DPH6: variants seen among roughly 807,000 people sequenced by gnomAD.
DPH6 encodes diphthine--ammonia ligase.
A neutral mutation model predicts 38.2 loss-of-function variants in DPH6; 33 were observed. The observed-to-expected ratio is 0.86, with a 90% CI of 0.65 to 1.15. DPH6 has a LOEUF of 1.15. DPH6 is among the 50% of genes most tolerant of loss of function. The pLI, the probability that DPH6 is intolerant of heterozygous loss-of-function variation, is 0.00. For synonymous variants in DPH6, 108 were observed against 103.0 expected, an observed-to-expected ratio of 1.05 and a Z score of -0.30; for missense variants, 325 against 320.0, an observed-to-expected ratio of 1.02 and a Z score of -0.12.
At chr15:35,437,683 G>A (rs1014716109) in intron 5 of DPH6, among the ~76,000 whole-genome samples, 1 of 152,194 alleles carries the variant, frequency 6.6e-6, no homozygotes, top group African/African-American at 2.4e-5. Flanking sequence ...TCAGAAAGAG[G>A]GGTACCTTAG....
intron 3 of DPH6, among the ~76,000 whole-genome samples, chr15:35,473,305 T>A (rs1047143108): frequency 6.6e-6 from 1 of 152,160 alleles, no homozygotes; most frequent in African/African-American, 2.4e-5. Context: ...GCAAGTACTG[T>A]TATTTGCATT....
intron 5 of DPH6, among the ~76,000 whole-genome samples, chr15:35,448,922 T>A (rs545553149): frequency 1.3e-5 from 2 of 150,128 alleles, no homozygotes; most frequent in African/African-American, 4.9e-5. Context: ...GACCATTTCA[T>A]AGAAAAATGG....
the DPH6 span, among the ~76,000 whole-genome samples, chr15:35,157,611 A>G: frequency 6.6e-6 from 1 of 152,136 alleles, no homozygotes; most frequent in African/African-American, 2.4e-5. Flanking sequence ...AATCCTGCCC[A>G]CATGCCTGGT....
rs565018219 is a variant in DPH6 at position 35,396,851 on chromosome 15, G to A, written c.567+13984C>T. ...TTTTTTCCATAAAGTCACTCTGCAGGGAACAAGTCTTAAAATTCTGTCTTT... is the reference window on the plus strand; with the variant it reads ...TTTTTTCCATAAAGTCACTCTGCAGAGAACAAGTCTTAAAATTCTGTCTTT... On this transcript the variant is annotated intron_variant, in intron 6 of 8. Coordinates refer to ENST00000256538, the MANE Select transcript of DPH6 (RefSeq NM_080650.4). Among the ~76,000 whole-genome samples, 7 of 152,146 alleles carry A rather than the reference G, an allele frequency of 4.6e-5. No homozygotes were observed. The East Asian group carries it at 1.4e-3, about 29-fold the overall frequency.
intron 7 of DPH6, among the ~76,000 whole-genome samples, chr15:35,380,457 A>G (rs1310628651): frequency 6.6e-6 from 1 of 152,236 alleles, no homozygotes; most frequent in Non-Finnish European, 1.5e-5. Context: ...CATGTTGTCC[A>G]TAAAGACTTC....
intron 3 of DPH6, among the ~76,000 whole-genome samples, chr15:35,486,648 TG>T (rs1309838082): frequency 1.3e-5 from 2 of 152,132 alleles, no homozygotes; most frequent in Non-Finnish European, 2.9e-5. Context: ...AGATGAGATT[TG>T]GGTGGGGACA....
the DPH6 span, among the ~76,000 whole-genome samples, chr15:35,187,222 A>T: frequency 6.6e-6 from 1 of 152,228 alleles, no homozygotes; most frequent in Non-Finnish European, 1.5e-5. Flanking sequence ...TCATCATGAC[A>T]ACTGACAAGT....
At chr15:35,413,099 ATC>A (rs992667254) in intron 5 of DPH6, among the ~76,000 whole-genome samples, 1 of 151,566 alleles carries the variant, frequency 6.6e-6, no homozygotes, top group Non-Finnish European at 1.5e-5. Flanking sequence ...TAAATGGAAA[ATC>A]TCTGTACATT....
At chr15:35,145,098 T>G in the DPH6 span, among the ~76,000 whole-genome samples, 1 of 152,198 alleles carries the variant, frequency 6.6e-6, no homozygotes, top group African/African-American at 2.4e-5. Flanking sequence ...TCTAGATTAT[T>G]GATTAAAATA....
chr15:35,485,031 C>T (rs749738317), intron 3 of DPH6, among the ~76,000 whole-genome samples: 4 of 152,120 alleles, frequency 2.6e-5, no homozygotes, highest in Non-Finnish European at 4.4e-5. Flanking sequence ...TGACTACTTA[C>T]CACATCCCAG....
chr15:35,425,284 C>T (rs926410573), intron 5 of DPH6, among the ~76,000 whole-genome samples: 1 of 151,456 alleles, frequency 6.6e-6, no homozygotes, highest in African/African-American at 2.4e-5. Flanking sequence ...ATTAAATAAT[C>T]TGACTACTAC....
rs146407000 is a variant in DPH6 at position 35,243,829 on chromosome 15, C to T, written n.201-23247G>A. Among the ~76,000 whole-genome samples the T allele has an allele frequency of 3.5e-3, 537 of 152,256 alleles. 4 individuals carry two copies. The highest frequency in any genetic ancestry group is 0.012 in the African/African-American group (500 of 41,540). The stretch of plus-strand genomic sequence containing the variant: ...GTTTGGTGGTCTCTTCCCACGGACG[C>T]GCATGAAAAATTCCTTTCTATTTTG... On this transcript the variant is annotated intron_variant and non_coding_transcript_variant, in intron 3 of 3. Transcript: ENST00000560386.
At chr15:35,161,067 C>T in the DPH6 span, among the ~76,000 whole-genome samples, 4 of 151,816 alleles carry the variant, frequency 2.6e-5, no homozygotes, top group Non-Finnish European at 5.9e-5. Flanking sequence ...GTGCAGCACA[C>T]CAACATGGCA....
intron 3 of DPH6, among the ~76,000 whole-genome samples, chr15:35,480,829 G>A (rs1248205046): frequency 6.6e-6 from 1 of 151,974 alleles, no homozygotes; most frequent in African/African-American, 2.4e-5. Context: ...ATAATAGGAA[G>A]AGCATCTCTT....
chr15:35,528,013 A>G (rs1219950841), intron 3 of DPH6, among the ~76,000 whole-genome samples: 1 of 152,208 alleles, frequency 6.6e-6, no homozygotes, highest in African/African-American at 2.4e-5. Flanking sequence ...TCAATCTGTT[A>G]TGATGCCCAA....
chr15:35,497,410 T>C (rs2054571922), intron 3 of DPH6, among the ~76,000 whole-genome samples: 2 of 152,174 alleles, frequency 1.3e-5, no homozygotes, highest in African/African-American at 4.8e-5. Flanking sequence ...CACCAACATA[T>C]AAAGTTATAC....
intron 5 of DPH6, among the ~76,000 whole-genome samples, chr15:35,424,964 C>T (rs1427275209): frequency 2.6e-5 from 4 of 151,626 alleles, no homozygotes; most frequent in African/African-American, 9.7e-5. Context: ...CAGCCTCCTT[C>T]AGACCCTGTG....
intron 3 of DPH6, among the ~76,000 whole-genome samples, chr15:35,232,939 A>C (rs1236797322): frequency 6.7e-6 from 1 of 148,642 alleles, no homozygotes; most frequent in Non-Finnish European, 1.5e-5. Flanking sequence ...TACTAAAAAG[A>C]ATCTAGATAT....
chr15:35,543,883 A>C (rs1286020825), intron 1 of DPH6, among the ~76,000 whole-genome samples: 1 of 152,240 alleles, frequency 6.6e-6, no homozygotes, highest in Admixed American at 6.5e-5. Context: ...CAGATATTAA[A>C]GACTGAAGGG....
Sources: gnomAD v4.1 joint callset for allele counts (sites outside exome capture counted in the v4.1 genomes callset) on GRCh38, gnomAD v4.1.1 for gene constraint, MANE v1.5 for transcripts, NCBI Gene and HGNC (gene_info 2026-07-23, HGNC 2026-07-21) for gene names.